The following ATF2 variants were observed in gnomAD, a reference collection of about 807,000 sequenced individuals.
The protein encoded by ATF2 is activating transcription factor 2.
In ATF2, 24 loss-of-function variants were observed where a neutral mutation model predicts 60.6. The observed-to-expected ratio is 0.40, with a 90% CI of 0.29 to 0.56. The LOEUF (loss-of-function observed/expected upper bound fraction) is 0.56. Among genes scored for constraint, ATF2 ranks in the 20% least tolerant of loss-of-function variants. The pLI is 0.54. For missense variants in ATF2, 433 were observed against 607.7 expected (o/e 0.71, Z 3.02); for synonymous variants, 206 against 215.4 (o/e 0.96, Z 0.38).
chr2:175,167,791 G>T, intron 1 of ATF2: 3 of 451,444 alleles, frequency 6.6e-6, no homozygotes, highest in Non-Finnish European at 4.7e-6. Flanking sequence ...CGCGCGAGAG[G>T]GAGGGGCCGG....
chr2:175,081,019 C>T (rs2105538957), intron 12 of ATF2, among the ~76,000 whole-genome samples: 1 of 152,170 alleles, frequency 6.6e-6, no homozygotes, highest in South Asian at 2.1e-4. Context: ...GTTTCCATTT[C>T]CCTGGGACTT....
Position 175,140,428 on chromosome 2 carries a change from G to A in ATF2, c.-43-3942C>T, listed in dbSNP as rs560156982. The stretch of plus-strand genomic sequence containing the variant: ...ATGATTCCATTTATATAAAATTCTA[G>A]AAAATGAAAACCACAGCGACAGAAA... On this transcript the variant is annotated intron_variant, in intron 2 of 13. Coordinates refer to ENST00000264110, the MANE Select transcript of ATF2 (RefSeq NM_001880.4). 6.8e-4 allele frequency among the ~76,000 whole-genome samples: 104 copies of A among 152,176 alleles called. No homozygotes were observed. The Middle Eastern group carries it at 0.014, about 20-fold the overall frequency.
chr2:175,146,463 G>A lies in ATF2; in HGVS notation c.-44+4597C>T, dbSNP rs149161516. Among the ~76,000 whole-genome samples, 138 of 152,238 alleles carry A rather than the reference G, an allele frequency of 9.1e-4. 1 individual carries two copies. In the East Asian group the frequency reaches 0.017, roughly 18 times the overall value. ...TGATTTTGTAACAGAATGTCTTATT[G>A]TAGAACCCTTAAAGAGTTTTGAAGT... On this transcript the variant is annotated intron_variant, in intron 2 of 13. Transcript: ENST00000264110.
chr2:175,159,181 G>A (rs978744967), intron 1 of ATF2, among the ~76,000 whole-genome samples: 24 of 152,038 alleles, frequency 1.6e-4, no homozygotes, highest in African/African-American at 4.3e-4. Context: ...TCAGCGGGGC[G>A]TGGTGGCGGA....
At chr2:175,076,187 T>A (rs1006753074) in intron 13 of ATF2, among the ~76,000 whole-genome samples, 1 of 152,110 alleles carries the variant, frequency 6.6e-6, no homozygotes, top group Non-Finnish European at 1.5e-5. Flanking sequence ...TGAAATATAG[T>A]TTTTACAGAA....
At chr2:175,113,288 T>C (rs1696328733) in intron 9 of ATF2, among the ~76,000 whole-genome samples, 1 of 151,746 alleles carries the variant, frequency 6.6e-6, no homozygotes, top group Non-Finnish European at 1.5e-5. Context: ...TTTTTTTGAC[T>C]TGGGGTCTTG....
At chr2:175,096,062 GTTATGTAAATACCTAT>G (rs1156872852) in intron 11 of ATF2, among the ~76,000 whole-genome samples, 1 of 152,134 alleles carries the variant, frequency 6.6e-6, no homozygotes, top group Non-Finnish European at 1.5e-5. Context: ...ACAAGATACA[GTTATGTAAATACCTAT>G]GCTTAGGTGG....
At chr2:175,145,699 G>A (rs1698899404) in intron 2 of ATF2, among the ~76,000 whole-genome samples, 1 of 152,192 alleles carries the variant, frequency 6.6e-6, no homozygotes, top group African/African-American at 2.4e-5. Flanking sequence ...GATGGGTCTT[G>A]TAGTGGAAAT....
At chr2:175,104,474 G>GT (rs1165983977) in intron 10 of ATF2, among the ~76,000 whole-genome samples, 1 of 152,040 alleles carries the variant, frequency 6.6e-6, no homozygotes, top group Non-Finnish European at 1.5e-5. Context: ...GGGTGGGGGG[G>GT]GCGGTGCGCA....
At chr2:175,165,999 C>T (rs1203270148) in intron 1 of ATF2, among the ~76,000 whole-genome samples, 1 of 152,004 alleles carries the variant, frequency 6.6e-6, no homozygotes, top group African/African-American at 2.4e-5. Context: ...AAACAAAAAA[C>T]GCCAAAGAAA....
At chr2:175,098,887 CTG>C (rs1315339160) in intron 10 of ATF2, among the ~76,000 whole-genome samples, 2 of 152,226 alleles carry the variant, frequency 1.3e-5, no homozygotes, top group South Asian at 2.1e-4. Flanking sequence ...CCCATAAAAA[CTG>C]AAGCATATAT....
At chr2:175,096,261 C>T (rs1013029684) in intron 11 of ATF2, among the ~76,000 whole-genome samples, 1 of 152,132 alleles carries the variant, frequency 6.6e-6, no homozygotes, top group Non-Finnish European at 1.5e-5. Flanking sequence ...AGGCATATAA[C>T]AATATCAATC....
Position 175,074,729 on chromosome 2 carries a change from G to C in ATF2, c.1398C>G (p.Thr466=). ...SVSTSNGVSS[T]SKAEAVATSV... is the part of the protein sequence containing the mutation. The stretch of plus-strand genomic sequence containing the variant: ...AAGTGGCTACAGCTTCTGCCTTGGA[G>C]GTTGAACTGACTCCATTGGATGTGC... The change falls in exon 14 of 14, where the codon ACC becomes ACG. Residue 466 remains threonine (T), a synonymous_variant. Coordinates refer to ENST00000264110, the MANE Select transcript of ATF2 (RefSeq NM_001880.4). The C allele has an allele frequency of 5.0e-6, 8 of 1,613,500 alleles. No individual in the cohort carries two copies. Among genetic ancestry groups the C allele is most frequent in the Non-Finnish European group, 6.8e-6 (8 of 1,179,712 alleles).
intron 1 of ATF2, among the ~76,000 whole-genome samples, chr2:175,152,956 G>A (rs1699408872): frequency 6.6e-6 from 1 of 152,134 alleles, no homozygotes; most frequent in South Asian, 2.1e-4. Context: ...TTAAAGTATG[G>A]CTTCGGGTTT....
At chr2:175,084,713 C>T (rs1426749030) in intron 12 of ATF2, among the ~76,000 whole-genome samples, 4 of 151,438 alleles carry the variant, frequency 2.6e-5, no homozygotes, top group African/African-American at 9.7e-5. Context: ...TCTGGGTTCC[C>T]ACAGCCACAT....
At chr2:175,130,869 A>C (rs1697679047) in intron 3 of ATF2, among the ~76,000 whole-genome samples, 1 of 152,152 alleles carries the variant, frequency 6.6e-6, no homozygotes, top group Non-Finnish European at 1.5e-5. Context: ...TAAATCCTTA[A>C]TTTCCAACTT....
At chr2:175,163,956 G>GT (rs1417268187) in intron 1 of ATF2, among the ~76,000 whole-genome samples, 1 of 115,462 alleles carries the variant, frequency 8.7e-6, no homozygotes, top group East Asian at 2.6e-4. Flanking sequence ...GAATACACTA[G>GT]TTTCAAGGTT....
Position 175,074,541 on chromosome 2 carries a change from G to C in ATF2, c.*68C>G. 1 of 1,490,142 alleles carries C rather than the reference G, an allele frequency of 6.7e-7. No individual in the cohort carries two copies. The highest frequency in any genetic ancestry group is 9.0e-7 in the Non-Finnish European group (1 of 1,110,312). The allele number at this position is 1,490,142 out of a possible 1,614,324, so 92.3% of individuals were successfully genotyped here. A position where few individuals can be genotyped will look rare whatever the true frequency, so the allele number is the denominator to read the frequency against. On this transcript the variant is annotated 3_prime_UTR_variant, in exon 14 of 14. Transcript: ENST00000264110. Reference sequence around the variant, plus strand: ...CACAGATTTCGCATAAATGGAAACTGGTCTTTCCTTGATTTCCCTTTGAAG... The same window carrying C: ...CACAGATTTCGCATAAATGGAAACTCGTCTTTCCTTGATTTCCCTTTGAAG...
intron 1 of ATF2, among the ~76,000 whole-genome samples, chr2:175,162,960 C>T (rs969744256): frequency 6.6e-6 from 1 of 151,932 alleles, no homozygotes; most frequent in Non-Finnish European, 1.5e-5. Flanking sequence ...GGTGAAACCC[C>T]GTCTCTACTA....
Sources: gnomAD v4.1 joint callset for allele counts (sites outside exome capture counted in the v4.1 genomes callset) on GRCh38, gnomAD v4.1.1 for gene constraint, MANE v1.5 for transcripts, NCBI Gene and HGNC (gene_info 2026-07-23, HGNC 2026-07-21) for gene names.